Variants in PIK3C2G observed in about 807,000 individuals in gnomAD.
PIK3C2G encodes the protein phosphatidylinositol-4-phosphate 3-kinase catalytic subunit type 2 gamma, also known as phosphatidylinositol 3-kinase C2 domain-containing subunit gamma.
PIK3C2G carries 168 observed loss-of-function variants against 181.1 expected under a neutral mutation model. The observed-to-expected ratio is 0.93, with a 90% CI of 0.82 to 1.05. PIK3C2G has a LOEUF of 1.05. Ranked by LOEUF, PIK3C2G falls within the 50% of genes least tolerant of loss-of-function variation. The pLI is 0.00. For missense variants in PIK3C2G, 1,869 were observed against 1,732.8 expected, an observed-to-expected ratio of 1.08 and a Z score of -1.40; for synonymous variants, 573 against 592.2, an observed-to-expected ratio of 0.97 and a Z score of 0.47.
chr12:18,503,480 A>G, intron 23 of PIK3C2G, 63 bp downstream of exon 23: 1 of 1,184,142 alleles, frequency 8.4e-7, no homozygotes. Flanking sequence ...CTGGTTCATT[A>G]GATATTCTGA....
intron 23 of PIK3C2G, among the ~76,000 whole-genome samples, chr12:18,503,889 T>G (rs1941663650): frequency 6.6e-6 from 1 of 152,236 alleles, no homozygotes; most frequent in East Asian, 1.9e-4. Context: ...ACACTTTTTC[T>G]CAATGTTTAC....
intron 30 of PIK3C2G, among the ~76,000 whole-genome samples, chr12:18,605,480 T>C (rs1947968348): frequency 6.6e-6 from 1 of 152,136 alleles, no homozygotes; most frequent in Non-Finnish European, 1.5e-5. Context: ...CCAATCCTTT[T>C]GACACTATTC....
intron 5 of PIK3C2G, 145 bp from the exon 6 acceptor site, chr12:18,313,817 C>T (rs2137404046): frequency 3.8e-6 from 2 of 533,218 alleles, no homozygotes; most frequent in Non-Finnish European, 6.6e-6. Flanking sequence ...CACACACACA[C>T]ACACACACAC....
At chr12:18,357,625 T>G (rs939213897) in intron 11 of PIK3C2G, among the ~76,000 whole-genome samples, 2 of 152,204 alleles carry the variant, frequency 1.3e-5, no homozygotes, top group Admixed American at 6.5e-5. Flanking sequence ...TTCTTCTTTT[T>G]CAATCTTTTA....
intron 31 of PIK3C2G, among the ~76,000 whole-genome samples, chr12:18,637,950 T>A (rs1171769078): frequency 6.6e-6 from 1 of 152,220 alleles, no homozygotes; most frequent in Non-Finnish European, 1.5e-5. Context: ...AAATGAAGAA[T>A]CTCTGCTTAG....
intron 10 of PIK3C2G, among the ~76,000 whole-genome samples, chr12:18,345,753 A>C (rs1317275247): frequency 2.0e-5 from 3 of 152,198 alleles, no homozygotes; most frequent in African/African-American, 7.2e-5. Flanking sequence ...TTAAGGTAAC[A>C]AACTGTGGAA....
chr12:18,470,674 G>T (rs1177950905), intron 18 of PIK3C2G, among the ~76,000 whole-genome samples: 1 of 152,050 alleles, frequency 6.6e-6, no homozygotes, highest in Non-Finnish European at 1.5e-5. Context: ...TCGTCTCTCA[G>T]CTTCATAACT....
intron 10 of PIK3C2G, among the ~76,000 whole-genome samples, chr12:18,346,324 C>G (rs887841705): frequency 1.3e-5 from 2 of 152,018 alleles, no homozygotes; most frequent in African/African-American, 4.8e-5. Flanking sequence ...AATCACAAAT[C>G]AGAACAAAAA....
intron 16 of PIK3C2G, among the ~76,000 whole-genome samples, chr12:18,408,538 A>C (rs190238234): frequency 3.9e-5 from 6 of 152,138 alleles, no homozygotes; most frequent in Admixed American, 1.3e-4. Context: ...ATTGTCTTTA[A>C]CAAAAGCCAA....
chr12:18,336,385 A>G (rs1398020665), intron 8 of PIK3C2G, among the ~76,000 whole-genome samples: 1 of 152,160 alleles, frequency 6.6e-6, no homozygotes, highest in African/African-American at 2.4e-5. Flanking sequence ...TTCTGAATGA[A>G]TACTGTATTA....
At chr12:18,315,119 G>C (rs964493683) in intron 6 of PIK3C2G, among the ~76,000 whole-genome samples, 1 of 152,148 alleles carries the variant, frequency 6.6e-6, no homozygotes, top group Non-Finnish European at 1.5e-5. Flanking sequence ...TTAAGTAACA[G>C]ATTTCCAGTG....
chr12:18,555,314 A>G (rs2136304326), intron 26 of PIK3C2G, among the ~76,000 whole-genome samples: 1 of 152,236 alleles, frequency 6.6e-6, no homozygotes, highest in South Asian at 2.1e-4. Flanking sequence ...GCAGCGAAAA[A>G]TGTTTGCCAT....
chr12:18,445,319 A>C (rs1003452280), intron 18 of PIK3C2G, among the ~76,000 whole-genome samples: 1 of 152,132 alleles, frequency 6.6e-6, no homozygotes, highest in African/African-American at 2.4e-5. Flanking sequence ...AATTCCATTA[A>C]AAATATATAC....
At chr12:18,390,212 G>A (rs1041322799) in intron 14 of PIK3C2G, among the ~76,000 whole-genome samples, 15 of 152,048 alleles carry the variant, frequency 9.9e-5, no homozygotes, top group Non-Finnish European at 4.4e-5. Context: ...ATAAATAAGC[G>A]CTCAAATATA....
intron 26 of PIK3C2G, among the ~76,000 whole-genome samples, chr12:18,548,429 A>C (rs1212763769): frequency 6.6e-6 from 1 of 152,050 alleles, no homozygotes; most frequent in African/African-American, 2.4e-5. Flanking sequence ...TGGCCAAAAG[A>C]GAAATGTAAA....
At chr12:18,650,704 G>GTGTGTATA (rs1950446696), downstream of PIK3C2G, among the ~76,000 whole-genome samples, 1 of 57,764 alleles carries the variant, frequency 1.7e-5, no homozygotes, top group Non-Finnish European at 4.0e-5. Context: ...GTGTGTGTGT[G>GTGTGTATA]TATATATCTA....
chr12:18,488,012 T>C (rs1940220630), intron 18 of PIK3C2G, among the ~76,000 whole-genome samples: 1 of 152,102 alleles, frequency 6.6e-6, no homozygotes, highest in Non-Finnish European at 1.5e-5. Flanking sequence ...CTTTTGTGGT[T>C]TGTGACAGTG....
intron 1 of PIK3C2G, among the ~76,000 whole-genome samples, chr12:18,268,256 A>G (rs1480410426): frequency 6.6e-6 from 1 of 152,140 alleles, no homozygotes; most frequent in Non-Finnish European, 1.5e-5. Flanking sequence ...TGGTAATGCT[A>G]TACTAAATGA....
intron 18 of PIK3C2G, among the ~76,000 whole-genome samples, chr12:18,451,070 G>A (rs1444172811): frequency 6.6e-6 from 1 of 152,044 alleles, no homozygotes; most frequent in Admixed American, 6.6e-5. Context: ...GCTCCTTTTT[G>A]GTTCCATATG....
Sources: allele counts gnomAD v4.1 joint callset (sites outside exome capture counted in the v4.1 genomes callset), GRCh38; gene constraint gnomAD v4.1.1; transcripts MANE v1.5; gene names NCBI Gene and HGNC (gene_info 2026-07-23, HGNC 2026-07-21).